CERS4: variants seen among roughly 807,000 people sequenced by gnomAD.
The protein encoded by CERS4 is LAG1 homolog, ceramide synthase 4.
Under a neutral mutation model 51.8 loss-of-function variants are expected in CERS4, and 65 were observed. The observed-to-expected ratio is 1.26, with a 90% CI of 1.03 to 1.54. The LOEUF (loss-of-function observed/expected upper bound fraction) is 1.54. Ranked by LOEUF, CERS4 falls within the 40% of genes most tolerant of loss-of-function variation. CERS4 has a pLI of 0.00. For synonymous variants in CERS4, 228 were observed against 208.4 expected, an observed-to-expected ratio of 1.09 and a Z score of -0.81; for missense variants, 563 against 500.4, an observed-to-expected ratio of 1.13 and a Z score of -1.19.
intron 2 of CERS4, among the ~76,000 whole-genome samples, chr19:8,247,748 T>TTTTTA (rs1321669579): frequency 6.6e-6 from 1 of 150,476 alleles, no homozygotes; most frequent in Non-Finnish European, 1.5e-5. Context: ...TTTTTTTTTT[T>TTTTTA]TTTAAGATGG....
At chr19:8,233,658 A>G (rs1464069711) in intron 2 of CERS4, among the ~76,000 whole-genome samples, 1 of 151,998 alleles carries the variant, frequency 6.6e-6, no homozygotes, top group Non-Finnish European at 1.5e-5. Flanking sequence ...CTCCCAAGCC[A>G]TTGAACATAG....
intron 2 of CERS4, among the ~76,000 whole-genome samples, chr19:8,237,995 A>G (rs951695152): frequency 1.3e-5 from 2 of 152,182 alleles, no homozygotes; most frequent in Middle Eastern, 6.8e-3. Flanking sequence ...TCCCACGTGT[A>G]TACTTAATCC....
chr19:8,237,710 G>T (rs986734304), intron 2 of CERS4, among the ~76,000 whole-genome samples: 1 of 152,040 alleles, frequency 6.6e-6, no homozygotes, highest in African/African-American at 2.4e-5. Flanking sequence ...AATTAGCCGG[G>T]CGTGGTGGTG....
chr19:8,245,934 G>A (rs566494655), intron 2 of CERS4, among the ~76,000 whole-genome samples: 1 of 149,070 alleles, frequency 6.7e-6, no homozygotes, highest in Admixed American at 6.7e-5. Context: ...AAAAGCTGGT[G>A]GGGGGCAGGG....
intron 2 of CERS4, among the ~76,000 whole-genome samples, chr19:8,223,361 A>G (rs191704180): frequency 1.3e-5 from 2 of 151,108 alleles, no homozygotes; most frequent in African/African-American, 4.9e-5. Context: ...CATGCCTGTA[A>G]TCCCAGCACT....
At chr19:8,212,355 G>A (rs1445687046) in intron 2 of CERS4, among the ~76,000 whole-genome samples, 3 of 152,104 alleles carry the variant, frequency 2.0e-5, no homozygotes, top group East Asian at 1.9e-4. Context: ...GGAGAGGCCG[G>A]GGGAGGGAGC....
At chr19:8,257,259 G>T in intron 9 of CERS4, 182 bp downstream of exon 9, 1 of 627,596 alleles carries the variant, frequency 1.6e-6, no homozygotes, top group East Asian at 3.1e-5. Context: ...CACCCCCTCT[G>T]TCTTCCTGGG....
intron 2 of CERS4, among the ~76,000 whole-genome samples, chr19:8,226,856 C>T (rs1368554914): frequency 2.6e-5 from 4 of 151,872 alleles, no homozygotes; most frequent in Non-Finnish European, 5.9e-5. Context: ...AGGCCAGGCG[C>T]AGTGGCTCAC....
chr19:8,220,225 C>T (rs1967473792), intron 2 of CERS4, among the ~76,000 whole-genome samples: 1 of 151,984 alleles, frequency 6.6e-6, no homozygotes, highest in South Asian at 2.1e-4. Flanking sequence ...CTGCCACCCC[C>T]ACCCCTTGAA....
intron 2 of CERS4, among the ~76,000 whole-genome samples, chr19:8,245,122 A>AAAC (rs1555777236): frequency 8.5e-5 from 11 of 129,258 alleles, no homozygotes; most frequent in Non-Finnish European, 1.6e-4. Context: ...AAAAAAAAAA[A>AAAC]AAAAAAAAAA....
intron 2 of CERS4, among the ~76,000 whole-genome samples, chr19:8,241,015 G>C (rs1251353814): frequency 6.6e-6 from 1 of 152,120 alleles, no homozygotes; most frequent in Non-Finnish European, 1.5e-5. Flanking sequence ...GGGGGCGGGT[G>C]GGGTGAGGGG....
chr19:8,249,545 G>C (rs931838098), intron 2 of CERS4, among the ~76,000 whole-genome samples: 1 of 150,628 alleles, frequency 6.6e-6, no homozygotes, highest in South Asian at 2.1e-4. Flanking sequence ...CCCACCTAGA[G>C]AGGAGCCTAC....
chr19:8,239,041 T>C (rs1968399162), intron 2 of CERS4, among the ~76,000 whole-genome samples: 2 of 151,888 alleles, frequency 1.3e-5, no homozygotes, highest in South Asian at 4.2e-4. Context: ...TTCAAGGCTG[T>C]AGTGAGCTGC....
At chr19:8,234,495 A>G (rs898807113) in intron 2 of CERS4, among the ~76,000 whole-genome samples, 3 of 143,072 alleles carry the variant, frequency 2.1e-5, no homozygotes, top group African/African-American at 7.8e-5. Context: ...TACTTTACCC[A>G]TTCAATTTTA....
intron 2 of CERS4, among the ~76,000 whole-genome samples, chr19:8,237,955 C>T (rs1422595533): frequency 2.0e-5 from 3 of 152,022 alleles, no homozygotes; most frequent in South Asian, 2.1e-4. Context: ...ATTTTTTTAC[C>T]ATTAATAGCC....
At position 8,254,592 on chromosome 19, in the gene CERS4, C is replaced by T. The variant is rs1969271220; in HGVS notation, c.267C>T (p.Leu89=). The T allele has an allele frequency of 1.9e-6, 3 of 1,610,726 alleles. No individual in the cohort carries two copies. The highest frequency in any genetic ancestry group is 2.5e-6 in the Non-Finnish European group (3 of 1,178,876). The change falls in exon 4 of 12, where the codon CTC becomes CTT. Residue 89 remains leucine (L), a synonymous_variant. Coordinates refer to ENST00000251363, the MANE Select transcript of CERS4 (RefSeq NM_024552.3). The part of the protein sequence containing the change: ...KPNATLEKHF[L]TEGHRPKEPQ... ...ACGCCACGCTGGAGAAACACTTCCT[C>T]ACGGAAGGGCACAGGCCCAAGGAGG...
intron 2 of CERS4, among the ~76,000 whole-genome samples, chr19:8,211,689 C>T (rs913839671): frequency 1.3e-5 from 2 of 151,728 alleles, no homozygotes; most frequent in Non-Finnish European, 2.9e-5. Flanking sequence ...GTCAGGAGTT[C>T]GAGAGCAGCC....
At chr19:8,221,077 G>A (rs1231322859) in intron 2 of CERS4, among the ~76,000 whole-genome samples, 14 of 151,406 alleles carry the variant, frequency 9.2e-5, no homozygotes, top group Non-Finnish European at 1.5e-5. Context: ...TGCCCGCCTC[G>A]GCCTCCCAAA....
intron 2 of CERS4, among the ~76,000 whole-genome samples, chr19:8,213,928 T>C (rs1376681546): frequency 6.6e-6 from 1 of 152,106 alleles, no homozygotes; most frequent in Non-Finnish European, 1.5e-5. Flanking sequence ...ATCGCACTAC[T>C]GCACTACTGC....
Sources: allele counts gnomAD v4.1 joint callset (sites outside exome capture counted in the v4.1 genomes callset), GRCh38; gene constraint gnomAD v4.1.1; transcripts MANE v1.5; gene names NCBI Gene and HGNC (gene_info 2026-07-23, HGNC 2026-07-21).